Variants in HECTD4 observed in about 807,000 individuals in gnomAD.
The protein encoded by HECTD4 is HECT domain E3 ubiquitin protein ligase 4.
HECTD4 carries 114 observed loss-of-function variants against 471.5 expected under a neutral mutation model. The observed-to-expected ratio is 0.24, with a 90% CI of 0.21 to 0.28. The LOEUF (loss-of-function observed/expected upper bound fraction) is 0.28. Among genes scored for constraint, HECTD4 ranks in the 10% least tolerant of loss-of-function variants. The probability of loss-of-function intolerance (pLI) is 1.00; values close to 1 mark genes in which losing one functional copy is unlikely to be tolerated. For missense variants in HECTD4, 3,866 were observed against 5,651.5 expected (o/e 0.68, Z 10.13); for synonymous variants, 2,012 against 2,256.0 (o/e 0.89, Z 3.07).
intron 9 of HECTD4, among the ~76,000 whole-genome samples, chr12:112,277,983 C>T (rs539350916): frequency 4.2e-4 from 64 of 152,006 alleles, no homozygotes; most frequent in African/African-American, 1.4e-3. Context: ...TGATTTTATT[C>T]GTAGCTCAGC....
intron 55 of HECTD4, among the ~76,000 whole-genome samples, chr12:112,199,274 G>A (rs1278861381): frequency 1.3e-5 from 2 of 152,124 alleles, no homozygotes; most frequent in Non-Finnish European, 2.9e-5. Context: ...CCTGTATCTC[G>A]CTAAGTAAAG....
intron 1 of HECTD4, among the ~76,000 whole-genome samples, chr12:112,379,429 C>T (rs2036847997): frequency 6.6e-6 from 1 of 152,172 alleles, no homozygotes; most frequent in South Asian, 2.1e-4. Flanking sequence ...CATGGTGGCT[C>T]ATGCCTGTAA....
Position 112,228,149 on chromosome 12 carries a change from G to A in HECTD4, c.6794C>T (p.Thr2265Ile), listed in dbSNP as rs1566079629. 6.2e-7 allele frequency: 1 copy of A among 1,613,902 alleles called. No individual in the cohort carries two copies. The highest frequency in any genetic ancestry group is 8.5e-7 in the Non-Finnish European group (1 of 1,179,850). The change falls in exon 43 of 76, where the codon ACA becomes ATA. Residue 2265 changes from threonine (T) to isoleucine (I), a missense_variant. Thr to Ile is a moderately conservative substitution (Grantham distance 89, BLOSUM62 -1). This residue lies in a region of HECTD4 where 617 missense variants were observed against 915.1 expected (regional missense o/e 0.67). Transcript: ENST00000682272. The surrounding 1 kb of genome is among the most constrained non-coding windows in gnomAD (Gnocchi z 4.9). Reference protein sequence around the residue: ...SLSIHTSLPATGDGSAPVMAV... With the variant: ...SLSIHTSLPAIGDGSAPVMAV... ...CATCACAGGAGCTGACCCATCTCCTGTTGCAGGAAGTGAGGTGTGAATAGA... is the reference window on the plus strand; with the variant it reads ...CATCACAGGAGCTGACCCATCTCCTATTGCAGGAAGTGAGGTGTGAATAGA...
chr12:112,181,626 C>T, intron 62 of HECTD4, among the ~76,000 whole-genome samples: 1 of 152,226 alleles, frequency 6.6e-6, no homozygotes, highest in Admixed American at 6.5e-5. Flanking sequence ...CCACGCCCAG[C>T]TTATTTCATT....
chr12:112,232,999 G>A lies in HECTD4; in HGVS notation c.5997+5C>T, dbSNP rs373589146. The A allele has an allele frequency of 6.2e-7, 1 of 1,608,308 alleles. No individual in the cohort carries two copies. The highest frequency in any genetic ancestry group is 1.3e-5 in the African/African-American group (1 of 74,932). ...GGTTTCATCGTTTTAACCTCATGAG[G>A]TTACCTTGGTCATGTCTCGATCCAT... On this transcript the variant is annotated splice_donor_5th_base_variant and intron_variant, in intron 38 of 75. Transcript: ENST00000682272.
At chr12:112,325,721 A>G (rs2035727966) in intron 1 of HECTD4, among the ~76,000 whole-genome samples, 1 of 152,206 alleles carries the variant, frequency 6.6e-6, no homozygotes, top group South Asian at 2.1e-4. Flanking sequence ...TGATAATGCT[A>G]ACGTTACCCT....
chr12:112,252,567 A>G (rs770863148), intron 22 of HECTD4, 39 bp from the exon 23 acceptor site: 1 of 1,584,708 alleles, frequency 6.3e-7, no homozygotes. Context: ...CACTTTAAAA[A>G]CAAGATACAC....
At chr12:112,237,152 G>C in intron 34 of HECTD4, 54 bp from the exon 35 acceptor site, 1 of 1,491,200 alleles carries the variant, frequency 6.7e-7, no homozygotes, top group Non-Finnish European at 9.0e-7. Flanking sequence ...AGGGTGCCAT[G>C]GTGAGCCTGA....
At position 112,279,238 on chromosome 12, in the gene HECTD4, T is replaced by A; in HGVS notation, c.1677A>T (p.Ser559=). Reference sequence around the variant, plus strand: ...GTAAAATTCACTTACTTTTTAAAGATGACAAACCACTTGTTCCACCAAAAA... The same window carrying A: ...GTAAAATTCACTTACTTTTTAAAGAAGACAAACCACTTGTTCCACCAAAAA... The part of the protein sequence containing the change: ...RSLFGGTSGL[S]SLKILASSLV... The change falls in exon 9 of 76, where the codon TCA becomes TCT. Residue 559 remains serine (S), a synonymous_variant. Transcript: ENST00000682272. 1 of 1,607,562 alleles carries A rather than the reference T, an allele frequency of 6.2e-7. No homozygotes were observed. The highest frequency in any genetic ancestry group is 1.1e-5 in the South Asian group (1 of 89,036).
chr12:112,175,240 T>C (rs1426313852), intron 66 of HECTD4, among the ~76,000 whole-genome samples: 1 of 152,110 alleles, frequency 6.6e-6, no homozygotes, highest in Non-Finnish European at 1.5e-5. Flanking sequence ...AAAGAGGTGA[T>C]TCAGGTTAAA....
At chr12:112,178,910 C>T (rs775232873) in intron 64 of HECTD4, 21 bp downstream of exon 64, 2 of 1,593,978 alleles carry the variant, frequency 1.3e-6, no homozygotes, top group Non-Finnish European at 1.7e-6. Context: ...CTGGGCTGCC[C>T]AGGCTCCTTG....
chr12:112,264,433 T>TA (rs776739343), intron 16 of HECTD4, among the ~76,000 whole-genome samples: 15 of 152,274 alleles, frequency 9.9e-5, no homozygotes, highest in Non-Finnish European at 2.1e-4. Flanking sequence ...TCCTCACTAA[T>TA]TAGAATACTT....
intron 43 of HECTD4, 115 bp downstream of exon 43, chr12:112,227,974 G>T: frequency 1.1e-6 from 1 of 908,868 alleles, no homozygotes; most frequent in Non-Finnish European, 1.6e-6. Flanking sequence ...TCAGTTTAGT[G>T]TGAGCTTCAA....
At chr12:112,267,877 G>A (rs571484336) in intron 13 of HECTD4, among the ~76,000 whole-genome samples, 1 of 152,306 alleles carries the variant, frequency 6.6e-6, no homozygotes, top group Admixed American at 6.5e-5. Flanking sequence ...ATGGAGTGCA[G>A]TGGTGTGATC....
chr12:112,211,127 G>A (rs778343796), intron 49 of HECTD4, among the ~76,000 whole-genome samples: 14 of 152,104 alleles, frequency 9.2e-5, no homozygotes, highest in Non-Finnish European at 1.9e-4. Context: ...CGAGGTGGGC[G>A]GATCATGAGG....
chr12:112,251,013 T>G lies in HECTD4; in HGVS notation c.3674A>C (p.Glu1225Ala). 6.2e-7 allele frequency: 1 copy of G among 1,613,860 alleles called. No individual in the cohort carries two copies. The highest frequency in any genetic ancestry group is 8.5e-7 in the Non-Finnish European group (1 of 1,179,800). ...CCGCAATAGCTCCTGACAGGCTTCTTCTTCTTTGGTAATTTCTGGTCCATT... is the reference window on the plus strand; with the variant it reads ...CCGCAATAGCTCCTGACAGGCTTCTGCTTCTTTGGTAATTTCTGGTCCATT... ...LYNGPEITKEEEACQELLRSK... is the reference protein window; with the variant it reads ...LYNGPEITKEAEACQELLRSK... The change falls in exon 24 of 76, where the codon GAA (glutamate) becomes GCA (alanine). Residue 1225 changes from glutamate to alanine, a missense_variant. Coordinates refer to ENST00000682272, the MANE Select transcript of HECTD4 (RefSeq NM_001388303.1).
intron 2 of HECTD4, among the ~76,000 whole-genome samples, chr12:112,317,703 G>A (rs1182286055): frequency 6.6e-6 from 1 of 152,170 alleles, no homozygotes; most frequent in Non-Finnish European, 1.5e-5. Context: ...TCCAGGCCGG[G>A]CAGGGTGGCT....
intron 7 of HECTD4, among the ~76,000 whole-genome samples, chr12:112,304,663 T>C (rs1368823526): frequency 6.6e-6 from 1 of 150,542 alleles, no homozygotes; most frequent in Non-Finnish European, 1.5e-5. Context: ...CTGGTAAGTC[T>C]CTTTAAAAAC....
At chr12:112,236,073 C>A (rs1012089842) in intron 35 of HECTD4, among the ~76,000 whole-genome samples, 1 of 152,162 alleles carries the variant, frequency 6.6e-6, no homozygotes, top group Admixed American at 6.5e-5. Context: ...GAAACTCAAA[C>A]TAAGAGCTTT....
Sources: allele counts gnomAD v4.1 joint callset (sites outside exome capture counted in the v4.1 genomes callset), GRCh38; gene constraint gnomAD v4.1.1; regional missense constraint gnomAD v4.1.1; non-coding constraint Gnocchi (gnomAD v3.1); transcripts MANE v1.5; gene names NCBI Gene and HGNC (gene_info 2026-07-23, HGNC 2026-07-21).